SCIMP: variants seen among roughly 807,000 people sequenced by gnomAD.
SCIMP encodes SLP adapter and CSK-interacting membrane protein.
Under a neutral mutation model 22.0 loss-of-function variants are expected in SCIMP, and 18 were observed. That is an observed-to-expected ratio of 0.82 (90% CI 0.56 to 1.21). The LOEUF (loss-of-function observed/expected upper bound fraction) is 1.21. Ranked by LOEUF, SCIMP falls within the 50% of genes most tolerant of loss-of-function variation. The probability of loss-of-function intolerance (pLI) is 0.00; values close to 1 mark genes in which losing one functional copy is unlikely to be tolerated. For synonymous variants in SCIMP, 53 were observed against 62.2 expected (o/e 0.85, Z 0.70); for missense variants, 155 against 171.2 (o/e 0.91, Z 0.53).
chr17:5,212,944 T>G (rs564862712), intron 4 of SCIMP: 1 of 151,308 alleles, frequency 6.6e-6, no homozygotes. Flanking sequence ...CAATTTTGGA[T>G]AACTGTCAGT....
intron 1 of SCIMP, 143 bp downstream of exon 1, chr17:5,234,591 AG>A: frequency 1.3e-6 from 1 of 797,032 alleles, no homozygotes; most frequent in African/African-American, 1.7e-5. Flanking sequence ...AACCCTACAC[AG>A]CAGTCGTACC....
chr17:5,233,804 T>C (rs2074721674), intron 1 of SCIMP: 1 of 152,128 alleles, frequency 6.6e-6, no homozygotes. Context: ...CCCAGATCTC[T>C]TCTCAAAATA....
At position 5,221,369 on chromosome 17, in the gene SCIMP, G is replaced by T; in HGVS notation, c.146-19C>A. On this transcript the variant is annotated intron_variant, in intron 2 of 4. Coordinates refer to ENST00000574081, the MANE Select transcript of SCIMP (RefSeq NM_207103.3). ...TTCTTGCCTAAGAGGGGAAAAGCAT[G>T]TTCATTGAAGAAGAATTAGCAAAAG... 1 of 1,593,654 alleles carries T rather than the reference G, an allele frequency of 6.3e-7. No individual in the cohort carries two copies. Among genetic ancestry groups the T allele is most frequent in the Admixed American group, 1.7e-5 (1 of 59,974 alleles).
chr17:5,219,628 G>A (rs1323531419), intron 3 of SCIMP, among the ~76,000 whole-genome samples: 4 of 151,946 alleles, frequency 2.6e-5, no homozygotes, highest in Non-Finnish European at 4.4e-5. Context: ...ACTCCATCTC[G>A]TAAATAAATA....
chr17:5,214,892 T>G (rs200369453), intron 4 of SCIMP, 33 bp downstream of exon 4: 75 of 696,104 alleles, frequency 1.1e-4, no homozygotes, highest in Non-Finnish European at 1.1e-4. Flanking sequence ...TATCTTACCC[T>G]AAATGAAACT....
intron 1 of SCIMP, among the ~76,000 whole-genome samples, chr17:5,228,457 A>G (rs2074668609): frequency 1.3e-5 from 2 of 152,154 alleles, no homozygotes; most frequent in African/African-American, 4.8e-5. Context: ...CAGCCTGGGC[A>G]ACACAGCAAG....
rs1319147097 is a variant in SCIMP, at chr17:5,209,840, G to A, written c.*961C>T. The A allele has an allele frequency of 2.6e-5, 4 of 152,158 alleles. No homozygotes were observed. The highest frequency in any genetic ancestry group is 9.7e-5 in the African/African-American group (4 of 41,424). The allele number at this position is 152,158 out of a possible 1,614,324, so 9.4% of individuals were successfully genotyped here. Reference sequence around the variant, plus strand: ...GTGGACCTTCTGCCTCCTCCCAGATGCCCAGGGACAGTGATCTGGAAGGAA... The same window carrying A: ...GTGGACCTTCTGCCTCCTCCCAGATACCCAGGGACAGTGATCTGGAAGGAA... On this transcript the variant is annotated 3_prime_UTR_variant, in exon 5 of 5. Transcript: ENST00000574081.
chr17:5,212,760 T>C (rs1426209612), intron 4 of SCIMP, among the ~76,000 whole-genome samples: 30 of 152,222 alleles, frequency 2.0e-4, no homozygotes. Flanking sequence ...TTAGCTAATA[T>C]TATTTATCTA....
At chr17:5,232,393 T>TAAACAGTGCAGTGTAAACAGTGCAGTAA (rs2074708159) in intron 1 of SCIMP, among the ~76,000 whole-genome samples, 1 of 151,770 alleles carries the variant, frequency 6.6e-6, no homozygotes, top group African/African-American at 2.4e-5. Flanking sequence ...CAGTGCAGTA[T>TAAACAGTGCAGTGTAAACAGTGCAGTAA]AAACAGTATA....
At chr17:5,221,136 T>C (rs2074603853) in intron 3 of SCIMP, 151 bp downstream of exon 3, 1 of 723,642 alleles carries the variant, frequency 1.4e-6, no homozygotes, top group Admixed American at 2.0e-5. Context: ...TCTCTGCCCT[T>C]ATGTGGAGAG....
chr17:5,233,661 A>G (rs975380002), intron 1 of SCIMP, among the ~76,000 whole-genome samples: 2 of 152,154 alleles, frequency 1.3e-5, no homozygotes, highest in South Asian at 2.1e-4. Flanking sequence ...GTGAGCCACC[A>G]TGCCCCGCCT....
chr17:5,232,011 G>A (rs1218052595), intron 1 of SCIMP, among the ~76,000 whole-genome samples: 3 of 152,154 alleles, frequency 2.0e-5, no homozygotes, highest in Non-Finnish European at 2.9e-5. Flanking sequence ...AGCCGAGATT[G>A]CGCCACTGCA....
chr17:5,233,782 G>A (rs2074721534), intron 1 of SCIMP: 1 of 152,244 alleles, frequency 6.6e-6, no homozygotes, highest in South Asian at 2.1e-4. Context: ...GAGTGGATAT[G>A]GCAAAGCCAA....
chr17:5,217,472 T>TA (rs766778520), intron 3 of SCIMP, among the ~76,000 whole-genome samples: 21 of 151,094 alleles, frequency 1.4e-4, no homozygotes, highest in Non-Finnish European at 2.4e-4. Flanking sequence ...GCAGGTTTGT[T>TA]ACATGTGTAT....
chr17:5,225,949 A>AGAACACCC lies in SCIMP; in HGVS notation c.22-2501_22-2494dup. ...GTCTATAGTGCTGGCATTGAATTGG[A>AGAACACCC]GAACACCCAGCTGGTGTTCACTGCT... is the stretch of plus-strand genomic sequence containing the variant. On this transcript the variant is annotated intron_variant, in intron 1 of 4. Coordinates refer to ENST00000574081, the MANE Select transcript of SCIMP (RefSeq NM_207103.3). 2.0e-5 allele frequency among the ~76,000 whole-genome samples: 3 copies of AGAACACCC among 152,154 alleles called. No individual in the cohort carries two copies. In the South Asian group the frequency reaches 6.2e-4, roughly 32 times the overall value.
chr17:5,234,838 C>T lies in SCIMP; in HGVS notation c.-83G>A. 1.3e-6 allele frequency: 2 copies of T among 1,560,984 alleles called. No homozygotes were observed. Among genetic ancestry groups the T allele is most frequent in the African/African-American group, 1.3e-5 (1 of 74,122 alleles). The stretch of plus-strand genomic sequence containing the variant: ...TGAGAGGCATTCCTCACTCACAGGC[C>T]TTCACCCACTGCTAGAGACAGTGAG... On this transcript the variant is annotated 5_prime_UTR_variant, in exon 1 of 5. Transcript: ENST00000574081.
intron 4 of SCIMP, among the ~76,000 whole-genome samples, chr17:5,211,290 G>C (rs1049301215): frequency 6.6e-6 from 1 of 152,294 alleles, no homozygotes; most frequent in East Asian, 1.9e-4. Context: ...GGGAGGCCCA[G>C]GTGGGAGGAT....
chr17:5,220,344 G>C (rs1423830581), intron 3 of SCIMP, among the ~76,000 whole-genome samples: 1 of 147,092 alleles, frequency 6.8e-6, no homozygotes, highest in African/African-American at 2.5e-5. Flanking sequence ...TACTTGGGAA[G>C]TTAAGGTGGG....
At chr17:5,222,092 G>GTT (rs35908136) in intron 2 of SCIMP, among the ~76,000 whole-genome samples, 94 of 138,148 alleles carry the variant, frequency 6.8e-4, no homozygotes, top group Admixed American at 1.0e-3. Flanking sequence ...ATGAAAACTT[G>GTT]TTTTTTTTTT....
Sources: gnomAD v4.1 joint callset for allele counts (sites outside exome capture counted in the v4.1 genomes callset) on GRCh38, gnomAD v4.1.1 for gene constraint, MANE v1.5 for transcripts, NCBI Gene and HGNC (gene_info 2026-07-23, HGNC 2026-07-21) for gene names.